CC2D2B: variants seen among roughly 807,000 people sequenced by gnomAD.
CC2D2B encodes the protein coiled-coil and C2 domain containing 2B.
A neutral mutation model predicts 161.2 loss-of-function variants in CC2D2B; 128 were observed. The observed-to-expected ratio is 0.79, with a 90% CI of 0.69 to 0.92. The LOEUF (loss-of-function observed/expected upper bound fraction) is 0.92, where lower values mean the gene tolerates loss of function less well. CC2D2B is among the 40% of genes least tolerant of loss of function. The pLI is 0.00. For missense variants in CC2D2B, 1,173 were observed against 1,375.1 expected (o/e 0.85, Z 2.32); for synonymous variants, 391 against 449.8 (o/e 0.87, Z 1.65).
Position 96,013,834 on chromosome 10 carries a change from C to T in CC2D2B, c.3473C>T (p.Thr1158Ile), listed in dbSNP as rs202065763. 6.2e-7 allele frequency: 1 copy of T among 1,600,880 alleles called. No homozygotes were observed. Among genetic ancestry groups the T allele is most frequent in the South Asian group, 1.1e-5 (1 of 89,222 alleles). The change falls in exon 29 of 35, where the codon ACA becomes ATA. Residue 1158 changes from threonine to isoleucine, a missense_variant. Transcript: ENST00000646931. The part of the protein sequence containing the change: ...FVSLIPFVPN[T>I]PDENDGSDIW... ...TCTTTGATTCCTTTTGTGCCTAATA[C>T]ACCAGATGAAAATGATGGCTCTGAT...
intron 6 of CC2D2B, among the ~76,000 whole-genome samples, chr10:95,928,566 C>A (rs2098543827): frequency 6.6e-6 from 1 of 152,128 alleles, no homozygotes; most frequent in Admixed American, 6.5e-5. Flanking sequence ...CTCGCCCCCA[C>A]CCCCTGACAG....
At chr10:96,012,475 T>C in intron 27 of CC2D2B, 57 bp from the exon 28 acceptor site, 1 of 1,265,204 alleles carries the variant, frequency 7.9e-7, no homozygotes, top group African/African-American at 1.5e-5. Context: ...TGGTTCTTGA[T>C]ATTTTCTTGT....
intron 21 of CC2D2B, among the ~76,000 whole-genome samples, chr10:95,992,102 C>A (rs1027895794): frequency 3.3e-5 from 5 of 152,184 alleles, no homozygotes; most frequent in African/African-American, 1.2e-4. Context: ...GACCATAAAA[C>A]TATAATTCTA....
Position 95,991,468 on chromosome 10 carries a change from G to A in CC2D2B, c.2471+7G>A. ...AAGAAATTGTATCTACAAGGTAATT[G>A]CTAAAAACTATTAAGTATGAAATAT... On this transcript the variant is annotated splice_region_variant and intron_variant, in intron 21 of 34. Transcript: ENST00000646931. 9.6e-6 allele frequency: 8 copies of A among 831,760 alleles called. No homozygotes were observed. Among genetic ancestry groups the A allele is most frequent in the Non-Finnish European group, 1.3e-5 (8 of 622,228 alleles). The allele number at this position is 831,760 out of a possible 1,614,324, so 51.5% of individuals were successfully genotyped here.
At chr10:95,984,453 A>T (rs1564640098) in intron 19 of CC2D2B, 1 of 152,174 alleles carries the variant, frequency 6.6e-6, no homozygotes, top group Non-Finnish European at 1.5e-5. Context: ...TTATCTAGAG[A>T]TGCTTAAAGT....
intron 6 of CC2D2B, among the ~76,000 whole-genome samples, chr10:95,929,034 T>C (rs1252455638): frequency 2.0e-5 from 3 of 152,180 alleles, no homozygotes; most frequent in African/African-American, 7.2e-5. Flanking sequence ...AAAGTGTTCC[T>C]ATTTCTCCCC....
In CC2D2B at chr10:95,937,973, C is replaced by CT; in HGVS notation, c.337-13dup. 7.0e-7 allele frequency: 1 copy of CT among 1,428,686 alleles called. No individual in the cohort carries two copies. The highest frequency in any genetic ancestry group is 9.6e-7 in the Non-Finnish European group (1 of 1,040,176). The allele number at this position is 1,428,686 out of a possible 1,614,324, so 88.5% of individuals were successfully genotyped here. On this transcript the variant is annotated splice_polypyrimidine_tract_variant and intron_variant, in intron 6 of 34. Coordinates refer to ENST00000646931, the MANE Select transcript of CC2D2B (RefSeq NM_001349008.3). ...GAGACAAGCATGTAAACTTATTTTC[C>CT]TTTTTGGTATTCAACAGAGACCAGT...
At chr10:96,002,047 T>C (rs985161785) in intron 24 of CC2D2B, among the ~76,000 whole-genome samples, 1 of 152,214 alleles carries the variant, frequency 6.6e-6, no homozygotes, top group African/African-American at 2.4e-5. Context: ...TGCAAATATT[T>C]GGAATATTAA....
At chr10:95,981,802 A>G (rs1021118162) in intron 17 of CC2D2B, among the ~76,000 whole-genome samples, 173 bp from the exon 18 acceptor site, 1 of 152,234 alleles carries the variant, frequency 6.6e-6, no homozygotes, top group Non-Finnish European at 1.5e-5. Flanking sequence ...AGTGAAAACT[A>G]GGAGAGATGT....
chr10:95,997,777 A>T (rs1234530656), intron 24 of CC2D2B, among the ~76,000 whole-genome samples: 1 of 152,224 alleles, frequency 6.6e-6, no homozygotes, highest in African/African-American at 2.4e-5. Flanking sequence ...ATCTTTAGCA[A>T]GTTCCCAGTG....
intron 33 of CC2D2B, among the ~76,000 whole-genome samples, chr10:96,025,146 TAAAA>T (rs58200004): frequency 2.4e-4 from 7 of 29,748 alleles, no homozygotes; most frequent in African/African-American, 9.6e-4. Context: ...TCATCTCTAC[TAAAA>T]AAAAATATAT....
intron 19 of CC2D2B, among the ~76,000 whole-genome samples, chr10:95,987,594 A>G (rs2077782035): frequency 6.6e-6 from 1 of 152,212 alleles, no homozygotes. Context: ...ATGCATAAAT[A>G]ACAAATGCAA....
chr10:95,953,246 C>T (rs2076462544), intron 10 of CC2D2B, among the ~76,000 whole-genome samples: 1 of 152,032 alleles, frequency 6.6e-6, no homozygotes, highest in Admixed American at 6.6e-5. Flanking sequence ...AGAAAGGTCT[C>T]ACTCTGTCCC....
At chr10:96,018,551 A>G (rs1036808441) in intron 30 of CC2D2B, among the ~76,000 whole-genome samples, 24 of 152,116 alleles carry the variant, frequency 1.6e-4, no homozygotes, top group Admixed American at 6.5e-5. Context: ...AAAACACTGC[A>G]GTACTATCTG....
intron 9 of CC2D2B, among the ~76,000 whole-genome samples, chr10:95,945,595 A>G (rs751573924): frequency 3.9e-5 from 6 of 152,036 alleles, no homozygotes; most frequent in Non-Finnish European, 8.8e-5. Context: ...TATGTCAACC[A>G]GCTTGGATGT....
intron 3 of CC2D2B, among the ~76,000 whole-genome samples, chr10:95,922,954 AT>A (rs11300333): frequency 0.57 from 80,613 of 142,454 alleles, 22,690 homozygotes; most frequent in African/African-American, 0.62. Context: ...CATGTATGTT[AT>A]TTTTTTTTTT....
At chr10:95,975,901 A>G (rs1034532118) in intron 17 of CC2D2B, among the ~76,000 whole-genome samples, 2 of 152,202 alleles carry the variant, frequency 1.3e-5, no homozygotes, top group Non-Finnish European at 2.9e-5. Context: ...ATATTTCTTA[A>G]TATTTCTCTA....
chr10:96,014,825 C>A (rs1386790482), intron 29 of CC2D2B, among the ~76,000 whole-genome samples: 3 of 152,168 alleles, frequency 2.0e-5, no homozygotes, highest in Non-Finnish European at 4.4e-5. Context: ...CCTTAGCTCA[C>A]CTGTTCACAC....
At chr10:96,017,022 A>C (rs2079230966) in intron 30 of CC2D2B, among the ~76,000 whole-genome samples, 1 of 152,140 alleles carries the variant, frequency 6.6e-6, no homozygotes, top group Non-Finnish European at 1.5e-5. Context: ...CCAGCCCATC[A>C]TATGTTTCTA....
Sources: allele counts gnomAD v4.1 joint callset (sites outside exome capture counted in the v4.1 genomes callset), GRCh38; gene constraint gnomAD v4.1.1; transcripts MANE v1.5; gene names NCBI Gene and HGNC (gene_info 2026-07-23, HGNC 2026-07-21).